Variants in CDH1 observed in about 807,000 individuals in gnomAD.
The protein encoded by CDH1 is cadherin-1.
A neutral mutation model predicts 84.5 loss-of-function variants in CDH1; 35 were observed. The observed-to-expected ratio is 0.41, with a 90% CI of 0.32 to 0.55. The LOEUF is 0.55. CDH1 is among the 20% of genes least tolerant of loss of function. CDH1 has a pLI of 0.19. For synonymous variants in CDH1, 417 were observed against 439.0 expected (o/e 0.95, Z 0.63); for missense variants, 994 against 1,126.6 (o/e 0.88, Z 1.68).
intron 2 of CDH1, among the ~76,000 whole-genome samples, chr16:68,766,928 C>T (rs191529507): frequency 1.3e-5 from 2 of 151,868 alleles, no homozygotes; most frequent in East Asian, 3.9e-4. Flanking sequence ...GGTTTCACCA[C>T]GTTGGCTAGG....
Position 68,760,935 on chromosome 16 carries a change from A to C in CDH1, c.163+22524A>C, listed in dbSNP as rs34171855. On this transcript the variant is annotated intron_variant, in intron 2 of 15. Coordinates refer to ENST00000261769, the MANE Select transcript of CDH1 (RefSeq NM_004360.5). The stretch of plus-strand genomic sequence containing the variant: ...TGAGAGGGGGATGCCCCAAGCCTAG[A>C]GAGGTGGGGGCGGGACCTCCTGTGC... 9.9e-3 allele frequency among the ~76,000 whole-genome samples: 1,508 copies of C among 152,232 alleles called. 14 individuals are homozygous for C. Among genetic ancestry groups the C allele is most frequent in the South Asian group, 0.019 (91 of 4,818 alleles).
chr16:68,744,601 C>T (rs557882136), intron 2 of CDH1, among the ~76,000 whole-genome samples: 173 of 152,232 alleles, frequency 1.1e-3, no homozygotes, highest in Admixed American at 3.8e-3. Flanking sequence ...GCCTCCAATC[C>T]TCCACTTCTG....
rs1057521024 is a variant in CDH1, at chr16:68,811,664, A to G, written c.833-20A>G. 2 of 1,612,788 alleles carry G rather than the reference A, an allele frequency of 1.2e-6. No homozygotes were observed. The highest frequency in any genetic ancestry group is 1.6e-4 in the Middle Eastern group (1 of 6,062). On this transcript the variant is annotated intron_variant, in intron 6 of 15. Transcript: ENST00000261769. Reference sequence around the variant, plus strand: ...CAAAGTGCAGCTTGTCTAAACCTTCATCTCCTTGAACTCTTCCAGGAACCT... The same window carrying G: ...CAAAGTGCAGCTTGTCTAAACCTTCGTCTCCTTGAACTCTTCCAGGAACCT...
At chr16:68,745,827 T>G (rs1358501176) in intron 2 of CDH1, among the ~76,000 whole-genome samples, 1 of 151,738 alleles carries the variant, frequency 6.6e-6, no homozygotes, top group Non-Finnish European at 1.5e-5. Context: ...ACTTACTTAT[T>G]TATTTTTTGG....
chr16:68,802,300 C>T lies in CDH1; in HGVS notation c.387+407C>T, dbSNP rs180736114. Among the ~76,000 whole-genome samples the T allele has an allele frequency of 2.8e-4, 43 of 152,266 alleles. 1 individual carries two copies. The South Asian group carries it at 7.3e-3, about 26-fold the overall frequency. On this transcript the variant is annotated intron_variant, in intron 3 of 15. Transcript: ENST00000261769. ...TACTTGGGTAATGTTGGAGGAATTA[C>T]GTCACCTGTCTATGCTTGAGCTTCC...
chr16:68,769,466 C>CTT (rs56958523), intron 2 of CDH1, among the ~76,000 whole-genome samples: 5 of 146,454 alleles, frequency 3.4e-5, no homozygotes, highest in East Asian at 2.1e-4. Flanking sequence ...AATGGAATTT[C>CTT]TTTTTTTTTT....
chr16:68,776,258 A>T (rs1959729410), intron 2 of CDH1, among the ~76,000 whole-genome samples: 1 of 152,204 alleles, frequency 6.6e-6, no homozygotes, highest in Admixed American at 6.5e-5. Flanking sequence ...AAGTGTTGGG[A>T]TTACAGGTGT....
chr16:68,785,585 C>T (rs1960024853), intron 2 of CDH1, among the ~76,000 whole-genome samples: 1 of 152,208 alleles, frequency 6.6e-6, no homozygotes, highest in South Asian at 2.1e-4. Context: ...GTGATCCTCC[C>T]ACCTCAGCCT....
chr16:68,824,379 G>T (rs1257241024), intron 13 of CDH1, among the ~76,000 whole-genome samples: 1 of 152,092 alleles, frequency 6.6e-6, no homozygotes, highest in Non-Finnish European at 1.5e-5. Context: ...AGACCTTGGG[G>T]GCTGCCCTCA....
intron 2 of CDH1, among the ~76,000 whole-genome samples, chr16:68,743,656 G>A (rs909780930): frequency 2.0e-5 from 3 of 152,014 alleles, no homozygotes; most frequent in South Asian, 4.2e-4. Flanking sequence ...GTGAGCCACC[G>A]AGCCGGGCCC....
intron 13 of CDH1, among the ~76,000 whole-genome samples, chr16:68,825,440 A>G (rs538107432): frequency 6.6e-6 from 1 of 152,284 alleles, no homozygotes; most frequent in East Asian, 1.9e-4. Context: ...AGGGTTTTCA[A>G]TTTAGATTGA....
chr16:68,816,088 G>A (rs373926246), intron 10 of CDH1, among the ~76,000 whole-genome samples: 1 of 152,142 alleles, frequency 6.6e-6, no homozygotes, highest in African/African-American at 2.4e-5. Flanking sequence ...CGTGATCTCT[G>A]CCTACTGCAG....
At chr16:68,808,341 G>A (rs140449923) in intron 3 of CDH1, 83 bp from the exon 4 acceptor site, 19 of 1,411,666 alleles carry the variant, frequency 1.3e-5, no homozygotes, top group South Asian at 3.5e-5. Flanking sequence ...GGCTGGGGAC[G>A]CTGTCTGGCT....
chr16:68,825,989 T>A (rs35594220), intron 13 of CDH1, among the ~76,000 whole-genome samples: 4,747 of 151,802 alleles, frequency 0.031, 119 homozygotes, highest in East Asian at 0.073. Flanking sequence ...GCTAATTTTT[T>A]AATATTTTTT....
At chr16:68,775,186 C>G (rs542806684) in intron 2 of CDH1, among the ~76,000 whole-genome samples, 7 of 151,966 alleles carry the variant, frequency 4.6e-5, no homozygotes, top group African/African-American at 1.7e-4. Context: ...GTCATATTTG[C>G]CTTCTCTGTG....
chr16:68,762,989 T>TAAG (rs1275010400), intron 2 of CDH1, among the ~76,000 whole-genome samples: 1 of 149,964 alleles, frequency 6.7e-6, no homozygotes, highest in Non-Finnish European at 1.5e-5. Flanking sequence ...GCCATCTTTT[T>TAAG]AAACAGTAAG....
At chr16:68,763,051 T>C (rs1959272881) in intron 2 of CDH1, among the ~76,000 whole-genome samples, 1 of 151,918 alleles carries the variant, frequency 6.6e-6, no homozygotes, top group African/African-American at 2.4e-5. Flanking sequence ...GCTATTTGCT[T>C]CCTGAAGATA....
intron 13 of CDH1, 36 bp downstream of exon 13, chr16:68,823,662 T>TA (rs2152139757): frequency 1.5e-6 from 2 of 1,377,100 alleles, no homozygotes; most frequent in Non-Finnish European, 2.1e-6. Context: ...GCCTTTGACT[T>TA]AAAAAAATGG....
intron 11 of CDH1, among the ~76,000 whole-genome samples, chr16:68,821,684 G>A (rs1961147119): frequency 1.3e-5 from 2 of 152,150 alleles, no homozygotes; most frequent in African/African-American, 2.4e-5. Context: ...CAGGCAATAG[G>A]ACTTCTTGGA....
Sources: allele counts gnomAD v4.1 joint callset (sites outside exome capture counted in the v4.1 genomes callset), GRCh38; gene constraint gnomAD v4.1.1; transcripts MANE v1.5; gene names NCBI Gene and HGNC (gene_info 2026-07-23, HGNC 2026-07-21).